The following ABL2 variants were observed in gnomAD, a reference collection of about 807,000 sequenced individuals.
ABL2 encodes the protein ABL proto-oncogene 2, non-receptor tyrosine kinase.
Under a neutral mutation model 107.7 loss-of-function variants are expected in ABL2, and 49 were observed. The observed-to-expected ratio is 0.45, with a 90% CI of 0.36 to 0.58. ABL2 has a LOEUF of 0.58. Ranked by LOEUF, ABL2 falls within the 20% of genes least tolerant of loss-of-function variation. ABL2 has a pLI of 0.00. For missense variants in ABL2, 1,245 were observed against 1,457.0 expected (o/e 0.85, Z 2.37); for synonymous variants, 549 against 548.6 (o/e 1.00, Z -0.01).
At chr1:179,128,233 T>C (rs1167662453) in intron 3 of ABL2, among the ~76,000 whole-genome samples, 1 of 152,000 alleles carries the variant, frequency 6.6e-6, no homozygotes, top group Non-Finnish European at 1.5e-5. Context: ...TATGTACATA[T>C]ATACACCTAT....
intron 1 of ABL2, among the ~76,000 whole-genome samples, chr1:179,134,902 G>C (rs6662792): frequency 6.6e-6 from 1 of 152,224 alleles, no homozygotes; most frequent in Admixed American, 6.5e-5. Context: ...ACTGGTTTTC[G>C]TATTTTTTTG....
rs1653223915 is a variant in ABL2 at position 179,102,920 on chromosome 1, C to T, written c.*4798G>A. 1 of 226,634 alleles carries T rather than the reference C, an allele frequency of 4.4e-6. No homozygotes were observed. Among genetic ancestry groups the T allele is most frequent in the Admixed American group, 5.7e-5 (1 of 17,546 alleles). The allele number at this position is 226,634 out of a possible 1,614,324, so 14.0% of individuals were successfully genotyped here. A position where few individuals can be genotyped will look rare whatever the true frequency, so the allele number is the denominator to read the frequency against. ...CTAGAAAAGTAATTCCCAAAGTGCA[C>T]TGGTTTTATGGCCATCCACCTCCCC... On this transcript the variant is annotated 3_prime_UTR_variant, in exon 12 of 12. Transcript: ENST00000502732.
chr1:179,111,308 G>A (rs28913571), intron 10 of ABL2, among the ~76,000 whole-genome samples: 2,398 of 106,722 alleles, frequency 0.022, 86 homozygotes, highest in African/African-American at 0.087. Flanking sequence ...TTTTTTGACA[G>A]GGAGTCTTGC....
In ABL2 at chr1:179,177,007, C is replaced by T. The variant is rs183639983; in HGVS notation, c.158-43633G>A. On this transcript the variant is annotated intron_variant, in intron 1 of 11. Transcript: ENST00000502732. ...CAACACACACGGCCAAGTGTTGTTA[C>T]ATTTTCTTATCCTAAGAAAACTATA... 3.3e-5 allele frequency among the ~76,000 whole-genome samples: 5 copies of T among 152,126 alleles called. No homozygotes were observed. In the East Asian group the frequency reaches 5.8e-4, roughly 18 times the overall value.
At chr1:179,208,574 A>T (rs749991240) in intron 1 of ABL2, among the ~76,000 whole-genome samples, 3 of 152,196 alleles carry the variant, frequency 2.0e-5, no homozygotes, top group African/African-American at 4.8e-5. Context: ...TCAATGAGGG[A>T]TATCTCCCCT....
rs1298047407 is a variant in ABL2, at chr1:179,200,306, C to CA, written c.157+28934dup. Among the ~76,000 whole-genome samples the CA allele has an allele frequency of 7.2e-5, 11 of 152,312 alleles. No individual in the cohort carries two copies. In the East Asian group the frequency reaches 2.1e-3, roughly 29 times the overall value. Reference sequence around the variant, plus strand: ...AGGTGATCTGCCTGCCTCAGCCTCCCAAAGTGCTAGGATTAGAGGCATGGG... The same window carrying CA: ...AGGTGATCTGCCTGCCTCAGCCTCCCAAAAGTGCTAGGATTAGAGGCATGGG... On this transcript the variant is annotated intron_variant, in intron 1 of 11. Coordinates refer to ENST00000502732, the MANE Select transcript of ABL2 (RefSeq NM_007314.4).
intron 1 of ABL2, among the ~76,000 whole-genome samples, chr1:179,206,651 T>C (rs1414527640): frequency 1.3e-5 from 2 of 152,228 alleles, no homozygotes; most frequent in South Asian, 2.1e-4. Context: ...TCTCTGAAAG[T>C]ATATACAACG....
chr1:179,210,160 G>A (rs1662183516), intron 1 of ABL2, among the ~76,000 whole-genome samples: 1 of 152,050 alleles, frequency 6.6e-6, no homozygotes. Context: ...ACTGTACCAG[G>A]ACAGAAATAT....
chr1:179,185,136 G>A (rs1660611476), intron 1 of ABL2, among the ~76,000 whole-genome samples: 1 of 152,100 alleles, frequency 6.6e-6, no homozygotes, highest in Non-Finnish European at 1.5e-5. Flanking sequence ...TTACCAATAT[G>A]CATCTGTCTA....
chr1:179,171,180 T>C (rs1659696080), intron 1 of ABL2, among the ~76,000 whole-genome samples: 1 of 152,232 alleles, frequency 6.6e-6, no homozygotes, highest in African/African-American at 2.4e-5. Context: ...CTGATATGAC[T>C]GGTGATTGCC....
At chr1:179,227,595 C>T (rs1663291955) in intron 1 of ABL2, among the ~76,000 whole-genome samples, 1 of 152,200 alleles carries the variant, frequency 6.6e-6, no homozygotes, top group Admixed American at 6.5e-5. Flanking sequence ...TGCATAGTAA[C>T]ACTTCCCACA....
intron 1 of ABL2, among the ~76,000 whole-genome samples, chr1:179,198,704 A>AC (rs1160935406): frequency 4.0e-5 from 6 of 150,866 alleles, no homozygotes; most frequent in South Asian, 4.2e-4. Context: ...AAAAAAAAAA[A>AC]AAAAAAAAAA....
At chr1:179,191,380 G>T in intron 1 of ABL2, among the ~76,000 whole-genome samples, 1 of 143,920 alleles carries the variant, frequency 6.9e-6, no homozygotes, top group African/African-American at 2.5e-5. Flanking sequence ...TTGTATGATA[G>T]TATGAGAACC....
chr1:179,208,465 C>T (rs1662099761), intron 1 of ABL2, among the ~76,000 whole-genome samples: 2 of 152,200 alleles, frequency 1.3e-5, no homozygotes, highest in South Asian at 2.1e-4. Context: ...ATCCATGTTG[C>T]TGCAAAGGAC....
At chr1:179,168,755 T>A (rs1021396461) in intron 1 of ABL2, among the ~76,000 whole-genome samples, 1 of 152,178 alleles carries the variant, frequency 6.6e-6, no homozygotes, top group African/African-American at 2.4e-5. Context: ...TCTTCCCACA[T>A]ACACAGCTTT....
Position 179,110,314 on chromosome 1 carries a change from G to T in ABL2, c.1793C>A (p.Ala598Asp). 6.2e-7 allele frequency: 1 copy of T among 1,614,162 alleles called. No homozygotes were observed. Among genetic ancestry groups the T allele is most frequent in the East Asian group, 2.2e-5 (1 of 44,888 alleles). The change falls in exon 11 of 12, where the codon GCC becomes GAC. Residue 598 changes from alanine to aspartate, a missense_variant. By Grantham distance (126) the Ala-to-Asp change is moderately radical. Coordinates refer to ENST00000502732, the MANE Select transcript of ABL2 (RefSeq NM_007314.4). Reference sequence around the variant, plus strand: ...TAAACTGGAAGCAGAATTTTCTGTGGCATCTTGTGCCCCTTCAATGTTCTC... The same window carrying T: ...TAAACTGGAAGCAGAATTTTCTGTGTCATCTTGTGCCCCTTCAATGTTCTC... Reference protein sequence around the residue: ...NKENIEGAQDATENSASSLAP... With the variant: ...NKENIEGAQDDTENSASSLAP...
chr1:179,122,825 T>C (rs1655355781), intron 4 of ABL2, among the ~76,000 whole-genome samples: 1 of 151,892 alleles, frequency 6.6e-6, no homozygotes, highest in Admixed American at 6.6e-5. Flanking sequence ...GGCTAATTTT[T>C]TTCTTTGTAT....
intron 1 of ABL2, among the ~76,000 whole-genome samples, chr1:179,168,288 G>A (rs1411636130): frequency 1.3e-5 from 2 of 152,042 alleles, no homozygotes; most frequent in Admixed American, 1.3e-4. Context: ...CATAACCTAT[G>A]CACATCTTCT....
intron 1 of ABL2, among the ~76,000 whole-genome samples, chr1:179,215,581 G>A (rs1451651668): frequency 6.6e-6 from 1 of 152,008 alleles, no homozygotes; most frequent in Non-Finnish European, 1.5e-5. Flanking sequence ...ACAAAAATCA[G>A]CTGGGCGTGG....
Sources: allele counts gnomAD v4.1 joint callset (sites outside exome capture counted in the v4.1 genomes callset), GRCh38; gene constraint gnomAD v4.1.1; transcripts MANE v1.5; gene names NCBI Gene and HGNC (gene_info 2026-07-23, HGNC 2026-07-21).